NBPF11: variants seen among roughly 807,000 people sequenced by gnomAD.
NBPF11 encodes the protein NBPF member 11, also known as NBPF family member NBPF11.
NBPF11 carries 72 observed loss-of-function variants against 93.9 expected under a neutral mutation model. That is an observed-to-expected ratio of 0.77 (90% CI 0.63 to 0.93). The LOEUF (loss-of-function observed/expected upper bound fraction) is 0.93, where lower values mean the gene tolerates loss of function less well. NBPF11 is among the 40% of genes least tolerant of loss of function. The probability of loss-of-function intolerance (pLI) is 0.00; values close to 1 mark genes in which losing one functional copy is unlikely to be tolerated. For synonymous variants in NBPF11, 224 were observed against 304.9 expected (o/e 0.73, Z 2.76); for missense variants, 705 against 802.2 (o/e 0.88, Z 1.46).
At chr1:148,126,755 A>C (rs1669216944) in intron 5 of NBPF11, 74 bp downstream of exon 5, 1 of 1,458,696 alleles carries the variant, frequency 6.9e-7, no homozygotes, top group South Asian at 1.1e-5. Context: ...GGAAGGATGA[A>C]ATTATTTTTG....
chr1:148,106,830 C>T (rs1461417575), intron 20 of NBPF11, 112 bp downstream of exon 20: 2 of 784,546 alleles, frequency 2.5e-6, no homozygotes, highest in South Asian at 1.4e-5. Flanking sequence ...CCCATAGGTC[C>T]TGCCTGTGGC....
intron 20 of NBPF11, 44 bp downstream of exon 20, chr1:148,106,898 G>A: frequency 1.4e-6 from 1 of 726,926 alleles, no homozygotes; most frequent in Non-Finnish European, 2.5e-6. Flanking sequence ...CCCCTATCTG[G>A]AAGGCCAGGT....
chr1:148,150,429 T>A (rs1647995342), intron 1 of NBPF11, among the ~76,000 whole-genome samples: 1 of 151,268 alleles, frequency 6.6e-6, no homozygotes, highest in African/African-American at 2.4e-5. Flanking sequence ...AATTGTGAAC[T>A]TCTTCTGTAT....
chr1:148,119,881 C>G (rs1359667376), intron 10 of NBPF11, among the ~76,000 whole-genome samples: 1 of 152,098 alleles, frequency 6.6e-6, no homozygotes, highest in African/African-American at 2.4e-5. Context: ...GTCTCAAACT[C>G]CTGACCTCGT....
intron 6 of NBPF11, 94 bp from the exon 7 acceptor site, chr1:148,124,161 G>A (rs1668536371): frequency 2.3e-6 from 3 of 1,311,806 alleles, no homozygotes; most frequent in South Asian, 2.4e-5. Context: ...ATGTTCTCAA[G>A]GAGACCTTCA....
At position 148,115,162 on chromosome 1, in the gene NBPF11, C is replaced by CGCAA. The variant is rs1666177688; in HGVS notation, c.1585+630_1585+631insTTGC. ...CCTAGGTGACAGAGCAGGACTCCAT[C>CGCAA]ACAAAAAAAAAAAAAAAAAAAAAAA... On this transcript the variant is annotated intron_variant, in intron 14 of 23. Transcript: ENST00000682118. Among the ~76,000 whole-genome samples the CGCAA allele has an allele frequency of 2.0e-4, 3 of 15,178 alleles. 1 individual carries two copies. Among genetic ancestry groups the CGCAA allele is most frequent in the Non-Finnish European group, 1.9e-4 (2 of 10,554 alleles). The allele number at this position is 15,178 out of a possible 152,430, so 10.0% of individuals were successfully genotyped here.
intron 4 of NBPF11, among the ~76,000 whole-genome samples, chr1:148,134,878 C>T (rs1314453381): frequency 3.3e-5 from 5 of 151,964 alleles, no homozygotes; most frequent in Non-Finnish European, 7.3e-5. Flanking sequence ...CAGCCACTGT[C>T]GGCTGCTCAT....
At chr1:148,119,913 C>A (rs1297725908) in intron 10 of NBPF11, among the ~76,000 whole-genome samples, 3 of 152,276 alleles carry the variant, frequency 2.0e-5, no homozygotes, top group African/African-American at 7.2e-5. Flanking sequence ...CTCAGCCTCC[C>A]AAAGGGCTGG....
chr1:148,105,657 C>T, intron 21 of NBPF11, 129 bp from the exon 22 acceptor site: 2 of 629,232 alleles, frequency 3.2e-6, no homozygotes, highest in South Asian at 1.7e-5. Context: ...AATGAGGTAA[C>T]AAATTATTGC....
At chr1:148,148,408 G>A (rs1304023661) in intron 1 of NBPF11, among the ~76,000 whole-genome samples, 4 of 152,120 alleles carry the variant, frequency 2.6e-5, no homozygotes, top group Non-Finnish European at 5.9e-5. Flanking sequence ...GCTTGGGACT[G>A]GGCACGAGGA....
intron 4 of NBPF11, among the ~76,000 whole-genome samples, chr1:148,134,940 C>T (rs1385102189): frequency 3.3e-5 from 5 of 151,784 alleles, no homozygotes; most frequent in African/African-American, 9.7e-5. Context: ...CTGCAAGATG[C>T]TTCTTCACCT....
chr1:148,149,691 G>A (rs1353281073), intron 1 of NBPF11: 4 of 668,792 alleles, frequency 6.0e-6, no homozygotes, highest in Admixed American at 5.8e-5. Flanking sequence ...CCCCGACCCA[G>A]GGGCTGTGGA....
chr1:148,148,100 G>A (rs1571501435), intron 1 of NBPF11, among the ~76,000 whole-genome samples: 1 of 152,186 alleles, frequency 6.6e-6, no homozygotes, highest in African/African-American at 2.4e-5. Flanking sequence ...ACTGACCATG[G>A]CTGCCAGGGA....
intron 20 of NBPF11, among the ~76,000 whole-genome samples, chr1:148,106,523 C>T (rs1285221030): frequency 4.3e-5 from 6 of 138,296 alleles, no homozygotes; most frequent in African/African-American, 1.2e-4. Flanking sequence ...AGAAAATGCC[C>T]CAGAGGATTT....
chr1:148,120,984 G>A (rs1342101770), intron 9 of NBPF11, among the ~76,000 whole-genome samples: 23 of 151,920 alleles, frequency 1.5e-4, no homozygotes, highest in Admixed American at 1.4e-3. Context: ...CCCATGAGTG[G>A]CCAATGTTTC....
chr1:148,116,711 T>G (rs1666643853), intron 12 of NBPF11, among the ~76,000 whole-genome samples, 176 bp from the exon 13 acceptor site: 2 of 151,746 alleles, frequency 1.3e-5, no homozygotes, highest in African/African-American at 4.9e-5. Context: ...CATCAGGCAA[T>G]GCATTTCTGA....
chr1:148,122,241 T>C lies in NBPF11; in HGVS notation c.592A>G (p.Lys198Glu). ...TCCTCCAGTGAGTCCTCAGGGACTT[T>C]GCTCTCTTCAGCCTTCTGCACCTCC... ...PREVQKAEES[K>E]VPEDSLEECA... is the part of the protein sequence containing the mutation. The change falls in exon 9 of 24, where the codon AAA (lysine) becomes GAA (glutamate). Residue 198 changes from lysine (K) to glutamate (E), a missense_variant. Transcript: ENST00000682118. 1 of 1,611,726 alleles carries C rather than the reference T, an allele frequency of 6.2e-7. No individual in the cohort carries two copies.
Position 148,105,477 on chromosome 1 carries a change from T to A in NBPF11, c.2355A>T (p.Ser785=). 1.8e-6 allele frequency: 2 copies of A among 1,107,698 alleles called. 1 individual carries two copies. The highest frequency in any genetic ancestry group is 3.8e-5 in the Admixed American group (2 of 52,676). The allele number at this position is 1,107,698 out of a possible 1,614,324, so 68.6% of individuals were successfully genotyped here. A position where few individuals can be genotyped will look rare whatever the true frequency, so the allele number is the denominator to read the frequency against. The change falls in exon 22 of 24, where the codon TCA becomes TCT. Residue 785 remains serine (S), a synonymous_variant. Coordinates refer to ENST00000682118, the MANE Select transcript of NBPF11 (RefSeq NM_001385469.3). ...EVVEPEVLQD[S]LDVIQLLPVV... ...CTGGAAGGAGTTGAATAACATCCAGTGAGTCCTGCAAGACTTCAGGCTCTA... is the reference window on the plus strand; with the variant it reads ...CTGGAAGGAGTTGAATAACATCCAGAGAGTCCTGCAAGACTTCAGGCTCTA...
intron 3 of NBPF11, among the ~76,000 whole-genome samples, chr1:148,136,745 C>T (rs1408211830): frequency 6.6e-6 from 1 of 151,948 alleles, no homozygotes; most frequent in African/African-American, 2.4e-5. Flanking sequence ...CTATGCCTGT[C>T]CCATCATTTC....
Sources: allele counts gnomAD v4.1 joint callset (sites outside exome capture counted in the v4.1 genomes callset), GRCh38; gene constraint gnomAD v4.1.1; transcripts MANE v1.5; gene names NCBI Gene and HGNC (gene_info 2026-07-23, HGNC 2026-07-21).